WWTR1: variants seen among roughly 807,000 people sequenced by gnomAD.
WWTR1 encodes WW domain-containing transcription regulator protein 1.
Under a neutral mutation model 40.1 loss-of-function variants are expected in WWTR1, and 13 were observed. That is an observed-to-expected ratio of 0.32 (90% CI 0.21 to 0.52). The LOEUF (loss-of-function observed/expected upper bound fraction) is 0.52. Ranked by LOEUF, WWTR1 falls within the 20% of genes least tolerant of loss-of-function variation. The pLI is 0.97. For missense variants in WWTR1, 436 were observed against 523.1 expected, an observed-to-expected ratio of 0.83 and a Z score of 1.63; for synonymous variants, 230 against 210.1, an observed-to-expected ratio of 1.09 and a Z score of -0.82.
chr3:149,697,794 T>TA (rs915006356), intron 1 of WWTR1, among the ~76,000 whole-genome samples: 3 of 152,046 alleles, frequency 2.0e-5, no homozygotes, highest in Non-Finnish European at 2.9e-5. Flanking sequence ...ACCTGTAAAA[T>TA]AAAAAAACAA....
intron 5 of WWTR1, among the ~76,000 whole-genome samples, chr3:149,526,744 AG>A (rs1735334491): frequency 6.6e-6 from 1 of 152,232 alleles, no homozygotes; most frequent in Admixed American, 6.5e-5. Flanking sequence ...TTATTATTTC[AG>A]CTACTATTTG....
At chr3:149,573,576 C>CT (rs1331453812) in intron 2 of WWTR1, among the ~76,000 whole-genome samples, 2 of 152,208 alleles carry the variant, frequency 1.3e-5, no homozygotes, top group Admixed American at 1.3e-4. Flanking sequence ...AAGAAGCTCA[C>CT]TGTCACCAAG....
intron 1 of WWTR1, among the ~76,000 whole-genome samples, chr3:149,675,394 C>A (rs1483163708): frequency 6.6e-6 from 1 of 152,094 alleles, no homozygotes; most frequent in Non-Finnish European, 1.5e-5. Context: ...TAGGGTGATG[C>A]CTAGATCTCT....
intron 2 of WWTR1, among the ~76,000 whole-genome samples, chr3:149,619,619 T>C (rs764393743): frequency 1.8e-4 from 27 of 152,106 alleles, no homozygotes; most frequent in Non-Finnish European, 3.5e-4. Flanking sequence ...TAAGATCCTG[T>C]CACCAAAAAC....
chr3:149,617,824 G>T (rs1054290595), intron 2 of WWTR1, among the ~76,000 whole-genome samples: 8 of 152,034 alleles, frequency 5.3e-5, no homozygotes, highest in African/African-American at 1.7e-4. Context: ...ATAAAATAAA[G>T]TTCCATAAAT....
chr3:149,618,889 G>A (rs1383324103), intron 2 of WWTR1, among the ~76,000 whole-genome samples: 1 of 152,040 alleles, frequency 6.6e-6, no homozygotes, highest in Non-Finnish European at 1.5e-5. Context: ...CACCTCCTGG[G>A]CTTCTGAAAG....
At chr3:149,636,627 G>A (rs1258640490) in intron 2 of WWTR1, among the ~76,000 whole-genome samples, 1 of 152,148 alleles carries the variant, frequency 6.6e-6, no homozygotes, top group African/African-American at 2.4e-5. Flanking sequence ...GTACCAGTAT[G>A]TGGCACACAG....
At chr3:149,573,048 TATC>T in intron 2 of WWTR1, 48 bp from the exon 3 acceptor site, 1 of 1,529,994 alleles carries the variant, frequency 6.5e-7, no homozygotes, top group Non-Finnish European at 8.8e-7. Flanking sequence ...TCAGCATCAT[TATC>T]ATCATCACCA....
intron 2 of WWTR1, among the ~76,000 whole-genome samples, chr3:149,594,041 G>A (rs940339375): frequency 1.3e-5 from 2 of 152,272 alleles, no homozygotes; most frequent in Admixed American, 6.5e-5. Context: ...ACCTGCTTAC[G>A]TGGGTGTGTT....
At chr3:149,606,237 T>C (rs758162020) in intron 2 of WWTR1, among the ~76,000 whole-genome samples, 4 of 152,214 alleles carry the variant, frequency 2.6e-5, no homozygotes, top group African/African-American at 9.6e-5. Context: ...TATAGTAGCC[T>C]GGACAGACTG....
intron 1 of WWTR1, 158 bp from the exon 2 acceptor site, chr3:149,657,467 G>A: frequency 1.2e-6 from 1 of 861,298 alleles, no homozygotes; most frequent in Non-Finnish European, 1.7e-6. Flanking sequence ...ACACTCAGCG[G>A]TAAGACCAGC....
At chr3:149,703,382 G>T (rs1715253470), upstream of WWTR1, 2 of 152,144 alleles carry the variant, frequency 1.3e-5, no homozygotes, top group African/African-American at 4.8e-5. Context: ...CCAACAAACA[G>T]AAATATTTAC....
In WWTR1 at chr3:149,719,483, A is replaced by G. The variant is rs73001942; in HGVS notation, n.460-1917T>C. On this transcript the variant is annotated intron_variant and non_coding_transcript_variant, in intron 4 of 6. Transcript: ENST00000474080. ...CTGTGCCCAGCCTTAAGGCTGAACA[A>G]TATTCTATTGTAAGTATATATCACA... is the stretch of plus-strand genomic sequence containing the variant. 6.6e-3 allele frequency among the ~76,000 whole-genome samples: 998 copies of G among 152,208 alleles called. 11 individuals are homozygous for G. Among genetic ancestry groups the G allele is most frequent in the African/African-American group, 0.023 (953 of 41,538 alleles).
At chr3:149,566,422 G>C (rs988818611) in intron 3 of WWTR1, among the ~76,000 whole-genome samples, 5 of 152,094 alleles carry the variant, frequency 3.3e-5, no homozygotes, top group African/African-American at 1.2e-4. Context: ...CTCTGGGTTT[G>C]TGCGTGTATG....
upstream of WWTR1, among the ~76,000 whole-genome samples, chr3:149,703,877 T>C (rs1715266169): frequency 6.6e-6 from 1 of 152,252 alleles, no homozygotes; most frequent in African/African-American, 2.4e-5. Context: ...AAGCAGATGC[T>C]GGCGCATGCT....
At chr3:149,646,341 C>T (rs1560101667) in intron 2 of WWTR1, among the ~76,000 whole-genome samples, 1 of 152,208 alleles carries the variant, frequency 6.6e-6, no homozygotes, top group Non-Finnish European at 1.5e-5. Flanking sequence ...ATAGCTCACA[C>T]CACATGTGAC....
At chr3:149,616,391 G>A (rs925890183) in intron 2 of WWTR1, among the ~76,000 whole-genome samples, 4 of 151,296 alleles carry the variant, frequency 2.6e-5, no homozygotes, top group Middle Eastern at 3.5e-3. Context: ...CTAGAACTAC[G>A]TATTTCTTCC....
chr3:149,669,221 T>C (rs1423446883), intron 2 of WWTR1, among the ~76,000 whole-genome samples: 1 of 152,060 alleles, frequency 6.6e-6, no homozygotes, highest in Non-Finnish European at 1.5e-5. Context: ...ATATACAATA[T>C]ACCCCCACAT....
At chr3:149,641,623 T>G (rs1712177297) in intron 2 of WWTR1, among the ~76,000 whole-genome samples, 1 of 152,230 alleles carries the variant, frequency 6.6e-6, no homozygotes, top group Non-Finnish European at 1.5e-5. Flanking sequence ...GGTCCATCCC[T>G]CACTCTACTT....
Sources: allele counts gnomAD v4.1 joint callset (sites outside exome capture counted in the v4.1 genomes callset), GRCh38; gene constraint gnomAD v4.1.1; transcripts MANE v1.5; gene names NCBI Gene and HGNC (gene_info 2026-07-23, HGNC 2026-07-21).